The following PTPRT variants were observed in gnomAD, a reference collection of about 807,000 sequenced individuals.
PTPRT encodes the protein receptor-type tyrosine-protein phosphatase T.
Under a neutral mutation model 176.8 loss-of-function variants are expected in PTPRT, and 56 were observed. That is an observed-to-expected ratio of 0.32 (90% CI 0.26 to 0.40). The LOEUF (loss-of-function observed/expected upper bound fraction) is 0.40, where lower values mean the gene tolerates loss of function less well. PTPRT is among the 10% of genes least tolerant of loss of function. The pLI, the probability that PTPRT is intolerant of heterozygous loss-of-function variation, is 1.00. For missense variants in PTPRT, 1,540 were observed against 1,908.2 expected, an observed-to-expected ratio of 0.81 and a Z score of 3.60; for synonymous variants, 783 against 739.0, an observed-to-expected ratio of 1.06 and a Z score of -0.96.
chr20:42,756,500 C>A lies in PTPRT; in HGVS notation c.821G>T (p.Gly274Val), dbSNP rs2076834591. Residue 274 changes from glycine (G) to valine (V), a missense_variant, in exon 6 of 31, where the codon GGG becomes GTG. By Grantham distance (109) the Gly-to-Val change is moderately radical (BLOSUM62 -3). Around this residue, in one of 11 missense-constraint regions of PTPRT, gnomAD observed 273 missense variants for 432.1 expected, o/e 0.63. Transcript: ENST00000373187. ...KYRCVIRSDG[G>V]SGVSNYAELI... Reference sequence around the variant, plus strand: ...CTCCGCGTAGTTGGACACACCAGACCCACCATCAGAGCGGATCACACAGCG... The same window carrying A: ...CTCCGCGTAGTTGGACACACCAGACACACCATCAGAGCGGATCACACAGCG... 6.2e-7 allele frequency: 1 copy of A among 1,605,852 alleles called. No individual in the cohort carries two copies.
chr20:43,129,610 G>GTT (rs566588457), intron 1 of PTPRT, among the ~76,000 whole-genome samples: 1 of 105,674 alleles, frequency 9.5e-6, no homozygotes. Flanking sequence ...ACTCCAAAGA[G>GTT]TTCTTTTTTT....
At chr20:42,181,750 T>C (rs1465423391) in intron 16 of PTPRT, among the ~76,000 whole-genome samples, 3 of 152,164 alleles carry the variant, frequency 2.0e-5, no homozygotes, top group Non-Finnish European at 4.4e-5. Context: ...AGGGATATAG[T>C]AGAAGCCCGG....
intron 6 of PTPRT, among the ~76,000 whole-genome samples, chr20:42,706,408 G>T (rs1268084213): frequency 1.3e-5 from 2 of 151,808 alleles, no homozygotes; most frequent in Non-Finnish European, 2.9e-5. Flanking sequence ...TCTGGAGTTT[G>T]TATTTTTTTT....
intron 6 of PTPRT, among the ~76,000 whole-genome samples, chr20:42,703,112 T>A (rs934998280): frequency 2.6e-5 from 4 of 152,142 alleles, no homozygotes; most frequent in African/African-American, 7.2e-5. Context: ...CAATCATAAA[T>A]AGTTTATTCA....
At chr20:42,322,241 C>T (rs6030133) in intron 11 of PTPRT, among the ~76,000 whole-genome samples, 50,416 of 149,288 alleles carry the variant, frequency 0.34, 9,777 homozygotes, top group African/African-American at 0.54. Flanking sequence ...ACTTTCTTCA[C>T]AGAATTGGAA....
intron 19 of PTPRT, among the ~76,000 whole-genome samples, chr20:42,121,001 T>C (rs1018947891): frequency 5.9e-5 from 9 of 152,198 alleles, no homozygotes; most frequent in African/African-American, 1.9e-4. Flanking sequence ...GTCTTTGTCT[T>C]AGATGTTGCT....
At chr20:42,259,749 G>A (rs559183694) in intron 13 of PTPRT, among the ~76,000 whole-genome samples, 2 of 152,204 alleles carry the variant, frequency 1.3e-5, no homozygotes, top group Non-Finnish European at 2.9e-5. Flanking sequence ...TACGGCTCGG[G>A]TTTAGAAGTG....
At position 42,775,440 on chromosome 20, in the gene PTPRT, G is replaced by A. The variant is rs559305520; in HGVS notation, c.569-3890C>T. Among the ~76,000 whole-genome samples, 4 of 152,240 alleles carry A rather than the reference G, an allele frequency of 2.6e-5. No individual in the cohort carries two copies. The East Asian group carries it at 5.8e-4, about 22-fold the overall frequency. On this transcript the variant is annotated intron_variant, in intron 4 of 30. Transcript: ENST00000373187. ...ACTTAGAAGCTAGAAACTTTGAAAC[G>A]GAGTGGAAAAATCATACTGACATTT... is the stretch of plus-strand genomic sequence containing the variant.
At chr20:42,226,593 C>G (rs995589156) in intron 15 of PTPRT, among the ~76,000 whole-genome samples, 1 of 152,188 alleles carries the variant, frequency 6.6e-6, no homozygotes, top group Non-Finnish European at 1.5e-5. Context: ...CTTAGAAAGG[C>G]ATTTTCCAGT....
intron 2 of PTPRT, among the ~76,000 whole-genome samples, chr20:42,814,215 T>C (rs1307208214): frequency 2.0e-5 from 3 of 152,194 alleles, no homozygotes; most frequent in African/African-American, 7.2e-5. Flanking sequence ...TTGCATTTGA[T>C]AGTTTTCTTT....
At chr20:42,939,807 T>C (rs1980429033) in intron 1 of PTPRT, among the ~76,000 whole-genome samples, 1 of 152,090 alleles carries the variant, frequency 6.6e-6, no homozygotes, top group Non-Finnish European at 1.5e-5. Flanking sequence ...GAAGTAAAAA[T>C]GTAGGGTAAA....
Position 42,953,972 on chromosome 20 carries a change from T to A in PTPRT, c.89-68040A>T, listed in dbSNP as rs111227225. Among the ~76,000 whole-genome samples, 1,011 of 152,196 alleles carry A rather than the reference T, an allele frequency of 6.6e-3. 9 individuals are homozygous for A. The highest frequency in any genetic ancestry group is 0.023 in the African/African-American group (968 of 41,532). On this transcript the variant is annotated intron_variant, in intron 1 of 30. Transcript: ENST00000373187. Reference sequence around the variant, plus strand: ...GGGAAAAATCACTTGAGATTGAGAATCACTGCCCTGGATGGCTATATCACA... The same window carrying A: ...GGGAAAAATCACTTGAGATTGAGAAACACTGCCCTGGATGGCTATATCACA...
rs1052687403 is a variant in PTPRT at position 42,106,170 on chromosome 20, C to G, written c.3390+616G>C. ...CTGGTTTGGAGGAGTAGAAACAATA[C>G]CGTGACTAGAAAGAATGTATGCTGC... On this transcript the variant is annotated intron_variant, in intron 24 of 30. Transcript: ENST00000373187. 2.6e-5 allele frequency among the ~76,000 whole-genome samples: 4 copies of G among 152,116 alleles called. No homozygotes were observed. The East Asian group carries it at 7.7e-4, about 29-fold the overall frequency.
intron 6 of PTPRT, among the ~76,000 whole-genome samples, chr20:42,733,563 C>T (rs2076493460): frequency 6.6e-6 from 1 of 152,204 alleles, no homozygotes; most frequent in Non-Finnish European, 1.5e-5. Context: ...CGAACTGGAG[C>T]TGGCTGGGGA....
intron 1 of PTPRT, among the ~76,000 whole-genome samples, chr20:43,140,542 T>C (rs2013974034): frequency 6.6e-6 from 1 of 151,856 alleles, no homozygotes; most frequent in African/African-American, 2.4e-5. Flanking sequence ...GTGCATGTAG[T>C]GTAAAGTGGT....
intron 11 of PTPRT, among the ~76,000 whole-genome samples, chr20:42,327,227 A>G (rs546420404): frequency 6.6e-6 from 1 of 152,126 alleles, no homozygotes; most frequent in East Asian, 1.9e-4. Context: ...TATGAGATGA[A>G]ATCATCAAAT....
In PTPRT at chr20:42,534,244, C is replaced by T. The variant is rs115602970; in HGVS notation, c.1154-61682G>A. 7.5e-3 allele frequency among the ~76,000 whole-genome samples: 1,136 copies of T among 152,300 alleles called. 19 individuals carry two copies. The highest frequency in any genetic ancestry group is 0.026 in the African/African-American group (1,088 of 41,564). ...GAGCTTTCACCAAACCAGTGTCCAA[C>T]AGTGAGAACGCTTTTGAATCCTTGG... is the stretch of plus-strand genomic sequence containing the variant. On this transcript the variant is annotated intron_variant, in intron 7 of 30. Transcript: ENST00000373187.
intron 1 of PTPRT, among the ~76,000 whole-genome samples, chr20:43,180,341 A>ATCTCTCTCTCTCTCTC (rs71193679): frequency 0.068 from 7,859 of 114,824 alleles, 634 homozygotes; most frequent in East Asian, 0.084. Context: ...AAATGAATCA[A>ATCTCTCTCTCTCTCTC]TCTCTCTCTC....
rs1982630760 is a variant in PTPRT, at chr20:42,074,994, A to C, written c.*5885T>G. 2.5e-6 allele frequency: 1 copy of C among 394,332 alleles called. No homozygotes were observed. Among genetic ancestry groups the C allele is most frequent in the African/African-American group, 2.1e-5 (1 of 48,168 alleles). The allele number at this position is 394,332 out of a possible 1,614,324, so 24.4% of individuals were successfully genotyped here. A position where few individuals can be genotyped will look rare whatever the true frequency, so the allele number is the denominator to read the frequency against. ...TGTCAGAAGAAACTGGAGCTAGAAC[A>C]GCTCCCCCCACACTCCACCACTAAC... On this transcript the variant is annotated 3_prime_UTR_variant, in exon 31 of 31. Coordinates refer to ENST00000373187, the MANE Select transcript of PTPRT (RefSeq NM_007050.6).
Sources: gnomAD v4.1 joint callset for allele counts (sites outside exome capture counted in the v4.1 genomes callset) on GRCh38, gnomAD v4.1.1 for gene constraint, gnomAD v4.1.1 regional missense constraint, MANE v1.5 for transcripts, NCBI Gene and HGNC (gene_info 2026-07-23, HGNC 2026-07-21) for gene names.